The following ZNF682 variants were observed in gnomAD, a reference collection of about 807,000 sequenced individuals.
ZNF682 encodes zinc finger protein 682.
A neutral mutation model predicts 36.5 loss-of-function variants in ZNF682; 29 were observed. The ratio of observed to expected loss-of-function variants is 0.80; its 90% CI spans 0.59 to 1.08. The LOEUF is 1.08. Ranked by LOEUF, ZNF682 falls within the 50% of genes least tolerant of loss-of-function variation. ZNF682 has a pLI of 0.00. For synonymous variants in ZNF682, 180 were observed against 197.0 expected, an observed-to-expected ratio of 0.91 and a Z score of 0.72; for missense variants, 561 against 579.7, an observed-to-expected ratio of 0.97 and a Z score of 0.33.
At chr19:20,039,307 G>A (rs369114417) in intron 1 of ZNF682, 36 bp downstream of exon 1, 2 of 1,610,982 alleles carry the variant, frequency 1.2e-6, no homozygotes, top group African/African-American at 1.3e-5. Context: ...AACCAGCCCT[G>A]CCCCCACCTC....
At chr19:20,001,718 T>C (rs1168536458), downstream of ZNF682, among the ~76,000 whole-genome samples, 1 of 152,218 alleles carries the variant, frequency 6.6e-6, no homozygotes, top group African/African-American at 2.4e-5. Context: ...CAAGCCTCTC[T>C]CCTTGGCTTG....
chr19:20,039,317 C>G (rs1400648327), intron 1 of ZNF682, 26 bp downstream of exon 1: 1 of 1,611,858 alleles, frequency 6.2e-7, no homozygotes, highest in East Asian at 2.2e-5. Context: ...GCCCCCACCT[C>G]GGGATGCGCG....
At chr19:20,031,420 G>A in intron 1 of ZNF682, among the ~76,000 whole-genome samples, 1 of 152,202 alleles carries the variant, frequency 6.6e-6, no homozygotes. Context: ...ACTTTGAAGG[G>A]TGGGGCTCTA....
At chr19:20,026,313 C>A (rs1007828585) in intron 1 of ZNF682, among the ~76,000 whole-genome samples, 1 of 144,178 alleles carries the variant, frequency 6.9e-6, no homozygotes, top group Non-Finnish European at 1.6e-5. Context: ...AAAAAAAAAA[C>A]ATCCTGTTTC....
At chr19:20,031,609 G>C (rs1349652747) in intron 1 of ZNF682, among the ~76,000 whole-genome samples, 2 of 152,190 alleles carry the variant, frequency 1.3e-5, no homozygotes, top group Admixed American at 1.3e-4. Flanking sequence ...CGCAAAACCA[G>C]AGGAGAGATC....
intron 3 of ZNF682, among the ~76,000 whole-genome samples, chr19:20,013,576 A>C (rs1007528674): frequency 6.6e-6 from 1 of 152,096 alleles, no homozygotes; most frequent in Admixed American, 6.6e-5. Context: ...CATTCTTAGC[A>C]AACTTTTTTT....
chr19:20,000,549 C>T (rs912368479), downstream of ZNF682, among the ~76,000 whole-genome samples: 3 of 152,130 alleles, frequency 2.0e-5, no homozygotes, highest in African/African-American at 7.2e-5. Flanking sequence ...GGCATTCTTC[C>T]TGGACAGAAC....
At chr19:20,035,961 C>A (rs1254092356) in intron 1 of ZNF682, among the ~76,000 whole-genome samples, 7 of 152,182 alleles carry the variant, frequency 4.6e-5, no homozygotes, top group South Asian at 2.1e-4. Context: ...GTCTTGAACT[C>A]CTGACCTCAG....
intron 3 of ZNF682, among the ~76,000 whole-genome samples, chr19:20,016,600 A>G (rs1568541661): frequency 6.6e-6 from 1 of 152,158 alleles, no homozygotes; most frequent in Admixed American, 6.5e-5. Context: ...TAATGAGGTA[A>G]TAGATGGTAT....
Position 20,005,207 on chromosome 19 carries a change from C to G in ZNF682, c.*798G>C, listed in dbSNP as rs1237704624. On this transcript the variant is annotated 3_prime_UTR_variant, in exon 4 of 4. Coordinates refer to ENST00000397165, the MANE Select transcript of ZNF682 (RefSeq NM_033196.3). ...CTCCTGCCTCAGCCTCTCCCAGTAG[C>G]TGGGACTACAGGCACCCGACAACAT... The G allele has an allele frequency of 6.6e-6, 1 of 152,118 alleles. No individual in the cohort carries two copies. The highest frequency in any genetic ancestry group is 6.5e-5 in the Admixed American group (1 of 15,270). The allele number at this position is 152,118 out of a possible 1,614,324, so 9.4% of individuals were successfully genotyped here.
At chr19:20,023,291 G>T (rs998934313) in intron 2 of ZNF682, among the ~76,000 whole-genome samples, 192 bp from the exon 3 acceptor site, 1 of 152,110 alleles carries the variant, frequency 6.6e-6, no homozygotes, top group Non-Finnish European at 1.5e-5. Context: ...GAGGTCAGGA[G>T]ATCGAGACCA....
chr19:20,015,566 A>C, intron 3 of ZNF682: 1 of 393,076 alleles, frequency 2.5e-6, no homozygotes, highest in Non-Finnish European at 3.5e-6. Context: ...AGAAACTATA[A>C]CCCATAAAAT....
Position 20,023,008 on chromosome 19 carries a change from G to T in ZNF682, c.222C>A (p.Pro74=), listed in dbSNP as rs576268028. The T allele has an allele frequency of 1.9e-6, 3 of 1,612,554 alleles. No individual in the cohort carries two copies. In the African/African-American group the frequency reaches 4.0e-5, roughly 22 times the overall value. The part of the protein sequence containing the change: ...NVKRHETIAK[P]PAMSSHYTED... ...TGTTTCATTCATCCAACCTACCTGG[G>T]GGTTTGGCTATGGTCTCATGTCTCT... The change falls in exon 3 of 4, where the codon CCC becomes CCA. Residue 74 remains proline (P), a synonymous_variant. Transcript: ENST00000397165.
At position 20,005,891 on chromosome 19, in the gene ZNF682, AT is replaced by A; in HGVS notation, c.*113del. ...TGAAGACTTTCCCCACATTCTTCACATTTGTAGTGTTTCTCTCCAGTATGAA... is the reference window on the plus strand; with the variant it reads ...TGAAGACTTTCCCCACATTCTTCACATTGTAGTGTTTCTCTCCAGTATGAA... On this transcript the variant is annotated 3_prime_UTR_variant, in exon 4 of 4. Transcript: ENST00000397165. 9.6e-7 allele frequency: 1 copy of A among 1,045,758 alleles called. No individual in the cohort carries two copies. The allele number at this position is 1,045,758 out of a possible 1,614,324, so 64.8% of individuals were successfully genotyped here. A position where few individuals can be genotyped will look rare whatever the true frequency, so the allele number is the denominator to read the frequency against.
chr19:20,006,752 G>T lies in ZNF682; in HGVS notation c.750C>A (p.Ile250=). The T allele has an allele frequency of 6.2e-7, 1 of 1,612,398 alleles. No homozygotes were observed. Among genetic ancestry groups the T allele is most frequent in the Non-Finnish European group, 8.5e-7 (1 of 1,179,540 alleles). The change falls in exon 4 of 4, where the codon ATC becomes ATA. Residue 250 remains isoleucine, a synonymous_variant. Transcript: ENST00000397165. ...WCSSLTKHKR[I]HTGEKPYKCE... Reference sequence around the variant, plus strand: ...ATTTGTAGGGTTTCTCACCAGTATGGATTCTCTTATGTTTAGTAAGACTCG... The same window carrying T: ...ATTTGTAGGGTTTCTCACCAGTATGTATTCTCTTATGTTTAGTAAGACTCG...
At chr19:20,012,722 C>A (rs1484790464) in intron 3 of ZNF682, among the ~76,000 whole-genome samples, 3 of 144,420 alleles carry the variant, frequency 2.1e-5, no homozygotes, top group African/African-American at 7.7e-5. Flanking sequence ...GAACCGAGAT[C>A]GCGCCACTGC....
In ZNF682 at chr19:20,005,944, C is replaced by T; in HGVS notation, c.*61G>A. 1 of 1,466,446 alleles carries T rather than the reference C, an allele frequency of 6.8e-7. No individual in the cohort carries two copies. The highest frequency in any genetic ancestry group is 9.2e-7 in the Non-Finnish European group (1 of 1,087,674). The allele number at this position is 1,466,446 out of a possible 1,614,324, so 90.8% of individuals were successfully genotyped here. On this transcript the variant is annotated 3_prime_UTR_variant, in exon 4 of 4. Coordinates refer to ENST00000397165, the MANE Select transcript of ZNF682 (RefSeq NM_033196.3). The stretch of plus-strand genomic sequence containing the variant: ...TATCTTGTGATTTCAATGCCTTGAG[C>T]AAGATTTATGGAATTTGCCACATTC...
At chr19:20,023,557 AAT>A (rs2088406203) in intron 2 of ZNF682, among the ~76,000 whole-genome samples, 1 of 152,134 alleles carries the variant, frequency 6.6e-6, no homozygotes, top group African/African-American at 2.4e-5. Context: ...GAAAGTTTAG[AAT>A]ATTTTATATT....
intron 3 of ZNF682, among the ~76,000 whole-genome samples, chr19:20,012,474 A>C (rs62136092): frequency 0.097 from 14,740 of 152,260 alleles, 957 homozygotes; most frequent in Middle Eastern, 0.19. Flanking sequence ...AATCTATAAT[A>C]AATTTAAATC....
Sources: gnomAD v4.1 joint callset for allele counts (sites outside exome capture counted in the v4.1 genomes callset) on GRCh38, gnomAD v4.1.1 for gene constraint, MANE v1.5 for transcripts, NCBI Gene and HGNC (gene_info 2026-07-23, HGNC 2026-07-21) for gene names.